CHST1: variants seen among roughly 807,000 people sequenced by gnomAD.
CHST1 encodes carbohydrate sulfotransferase 1, also known as Keratan sulfotransferase.
In CHST1, 10 loss-of-function variants were observed where a neutral mutation model predicts 22.5. The ratio of observed to expected loss-of-function variants is 0.44; its 90% CI spans 0.27 to 0.75. The LOEUF is 0.75. CHST1 is among the 30% of genes least tolerant of loss of function. CHST1 has a pLI of 0.15. For synonymous variants in CHST1, 267 were observed against 264.5 expected, an observed-to-expected ratio of 1.01 and a Z score of -0.09; for missense variants, 439 against 576.1, an observed-to-expected ratio of 0.76 and a Z score of 2.44.
intron 1 of CHST1, among the ~76,000 whole-genome samples, chr11:45,661,805 A>C (rs1379619957): frequency 6.6e-6 from 1 of 152,184 alleles, no homozygotes; most frequent in Non-Finnish European, 1.5e-5. Context: ...CCTGAGGGCC[A>C]TGGAGGGGAG....
At chr11:45,658,003 T>C (rs1852083856) in intron 1 of CHST1, among the ~76,000 whole-genome samples, 1 of 152,168 alleles carries the variant, frequency 6.6e-6, no homozygotes, top group Non-Finnish European at 1.5e-5. Context: ...CCCAGCTGCC[T>C]CTTATGAGCT....
At chr11:45,663,465 T>C (rs41372752) in intron 1 of CHST1, among the ~76,000 whole-genome samples, 6,007 of 152,200 alleles carry the variant, frequency 0.039, 413 homozygotes, top group African/African-American at 0.14. Flanking sequence ...CTTTGGATGT[T>C]GGGGAGGAAA....
chr11:45,651,022 C>T, intron 3 of CHST1, 57 bp from the exon 4 acceptor site: 2 of 1,334,390 alleles, frequency 1.5e-6, no homozygotes, highest in Non-Finnish European at 2.0e-6. Flanking sequence ...ACTGGCTTGT[C>T]CCTTGGAAGA....
Position 45,650,102 on chromosome 11 carries a change from C to T in CHST1, c.822G>A (p.Thr274=), listed in dbSNP as rs369014915. ...CGGAGTTGGAGAAGTCCTCGCACACCGTGGTCAGCTGCGTCACGTCCAGGT... is the reference window on the plus strand; with the variant it reads ...CGGAGTTGGAGAAGTCCTCGCACACTGTGGTCAGCTGCGTCACGTCCAGGT... ...PYNLDVTQLT[T]VCEDFSNSVS... The change falls in exon 4 of 4, where the codon ACG becomes ACA. Residue 274 remains threonine (T), a synonymous_variant. Transcript: ENST00000308064. 4 of 1,613,934 alleles carry T rather than the reference C, an allele frequency of 2.5e-6. 1 individual carries two copies. In the South Asian group the frequency reaches 3.3e-5, roughly 13 times the overall value.
At chr11:45,655,764 G>A (rs1260285388) in intron 1 of CHST1, among the ~76,000 whole-genome samples, 1 of 152,198 alleles carries the variant, frequency 6.6e-6, no homozygotes, top group African/African-American at 2.4e-5. Flanking sequence ...CTCCGGATGG[G>A]TGACCTTGGA....
At chr11:45,657,195 C>G (rs1000969290) in intron 1 of CHST1, among the ~76,000 whole-genome samples, 2 of 152,240 alleles carry the variant, frequency 1.3e-5, no homozygotes, top group African/African-American at 4.8e-5. Context: ...AATGCTTACT[C>G]CCTGACTCTG....
At chr11:45,664,128 T>C (rs1852167762) in intron 1 of CHST1, among the ~76,000 whole-genome samples, 1 of 152,120 alleles carries the variant, frequency 6.6e-6, no homozygotes, top group Admixed American at 6.5e-5. Flanking sequence ...TCAAAGCAGC[T>C]TCCTCCCAGC....
intron 3 of CHST1, chr11:45,651,568 C>A (rs1161346225): frequency 6.6e-6 from 1 of 152,264 alleles, no homozygotes. Flanking sequence ...ACCACTTACT[C>A]CAGATGTAGA....
chr11:45,662,113 C>T (rs1014529334), intron 1 of CHST1, among the ~76,000 whole-genome samples: 2 of 152,210 alleles, frequency 1.3e-5, no homozygotes, highest in African/African-American at 4.8e-5. Context: ...CCCTCTCTGG[C>T]TGATCAAGAG....
intron 1 of CHST1, among the ~76,000 whole-genome samples, chr11:45,662,777 CAG>C (rs758903511): frequency 2.0e-5 from 3 of 152,130 alleles, no homozygotes; most frequent in Non-Finnish European, 4.4e-5. Flanking sequence ...GGCACCTAGC[CAG>C]AAGGTCCGTG....
Position 45,653,602 on chromosome 11 carries a change from A to G in CHST1, c.-226-996T>C, listed in dbSNP as rs1812562433. The stretch of plus-strand genomic sequence containing the variant: ...TGTGAATGGCTTTCAAGAAACAGAC[A>G]GGGAATGTCATCAATAATAGTGCCA... On this transcript the variant is annotated intron_variant, in intron 1 of 3. Transcript: ENST00000308064. Among the ~76,000 whole-genome samples the G allele has an allele frequency of 2.6e-5, 4 of 152,164 alleles. No individual in the cohort carries two copies. In the South Asian group the frequency reaches 8.3e-4, roughly 32 times the overall value.
intron 1 of CHST1, among the ~76,000 whole-genome samples, chr11:45,654,327 A>C (rs1852033811): frequency 6.6e-6 from 1 of 152,218 alleles, no homozygotes; most frequent in African/African-American, 2.4e-5. Flanking sequence ...CGGCCTCACA[A>C]GGTGTGGCCT....
At chr11:45,657,116 G>A (rs1852072230) in intron 1 of CHST1, among the ~76,000 whole-genome samples, 1 of 152,132 alleles carries the variant, frequency 6.6e-6, no homozygotes, top group South Asian at 2.1e-4. Flanking sequence ...CTGGAGCAAG[G>A]GACAAGGGAA....
At chr11:45,661,375 G>A (rs976964976) in intron 1 of CHST1, among the ~76,000 whole-genome samples, 1 of 152,236 alleles carries the variant, frequency 6.6e-6, no homozygotes, top group African/African-American at 2.4e-5. Flanking sequence ...TAAACAGTCC[G>A]TTAATGAAAT....
At chr11:45,657,690 G>T (rs1441284325) in intron 1 of CHST1, among the ~76,000 whole-genome samples, 3 of 152,200 alleles carry the variant, frequency 2.0e-5, no homozygotes, top group African/African-American at 2.4e-5. Flanking sequence ...ACCTTCCAGA[G>T]GGGTGAGCTG....
chr11:45,652,996 G>A (rs1003581223), intron 1 of CHST1, among the ~76,000 whole-genome samples: 3 of 152,208 alleles, frequency 2.0e-5, no homozygotes, highest in Non-Finnish European at 1.5e-5. Context: ...AGCATGACGG[G>A]GACTGGGCAG....
chr11:45,651,508 G>C (rs1248696937), intron 3 of CHST1: 1 of 152,768 alleles, frequency 6.5e-6, no homozygotes, highest in Non-Finnish European at 1.5e-5. Context: ...AGCACGGCCA[G>C]GCAAGGTGGA....
At chr11:45,664,843 T>C (rs1253176338) in intron 1 of CHST1, among the ~76,000 whole-genome samples, 2 of 152,116 alleles carry the variant, frequency 1.3e-5, no homozygotes, top group African/African-American at 2.4e-5. Flanking sequence ...AGGCGGGTCG[T>C]GGGACGGTGA....
At chr11:45,659,458 C>T (rs1157026010) in intron 1 of CHST1, among the ~76,000 whole-genome samples, 1 of 152,154 alleles carries the variant, frequency 6.6e-6, no homozygotes, top group Non-Finnish European at 1.5e-5. Context: ...GCATCTGATA[C>T]CTACTGGCCA....
Sources: gnomAD v4.1 joint callset for allele counts (sites outside exome capture counted in the v4.1 genomes callset) on GRCh38, gnomAD v4.1.1 for gene constraint, MANE v1.5 for transcripts, NCBI Gene and HGNC (gene_info 2026-07-23, HGNC 2026-07-21) for gene names.